PCDHA3: variants seen among roughly 807,000 people sequenced by gnomAD.
The protein encoded by PCDHA3 is protocadherin alpha 3.
In PCDHA3, 41 loss-of-function variants were observed where a neutral mutation model predicts 62.2. The observed-to-expected ratio is 0.66, with a 90% CI of 0.51 to 0.86. The LOEUF (loss-of-function observed/expected upper bound fraction) is 0.86, where lower values mean the gene tolerates loss of function less well. Ranked by LOEUF, PCDHA3 falls within the 40% of genes least tolerant of loss-of-function variation. The probability of loss-of-function intolerance (pLI) is 0.00; values close to 1 mark genes in which losing one functional copy is unlikely to be tolerated. For synonymous variants in PCDHA3, 640 were observed against 555.4 expected (o/e 1.15, Z -2.14); for missense variants, 1,304 against 1,241.2 (o/e 1.05, Z -0.76).
intron 1 of PCDHA3, chr5:140,851,252 G>T: frequency 9.2e-7 from 1 of 1,089,164 alleles, no homozygotes; most frequent in Non-Finnish European, 1.2e-6. Flanking sequence ...ATGATGCATA[G>T]TATTTTAGTC....
chr5:140,857,100 T>G (rs782765383), intron 1 of PCDHA3: 1 of 1,597,740 alleles, frequency 6.3e-7, no homozygotes. Context: ...GAGGTGATTG[T>G]CACTTCTCTG....
intron 3 of PCDHA3, among the ~76,000 whole-genome samples, chr5:141,003,429 A>G (rs782300910): frequency 6.6e-5 from 10 of 152,138 alleles, no homozygotes; most frequent in Non-Finnish European, 1.3e-4. Flanking sequence ...CTTATGCCTC[A>G]GCCTCCCAAG....
At chr5:140,805,368 C>T (rs1487690921) in intron 1 of PCDHA3, 6 of 1,156,662 alleles carry the variant, frequency 5.2e-6, no homozygotes, top group East Asian at 1.0e-4. Context: ...TGGGTCCCCA[C>T]ATAGTGAAAG....
chr5:140,927,247 G>A (rs782521189), intron 1 of PCDHA3: 7 of 1,613,978 alleles, frequency 4.3e-6, no homozygotes, highest in Middle Eastern at 3.3e-4. Flanking sequence ...GGACACCAAT[G>A]ACAACTCACC....
In PCDHA3 at chr5:140,843,148, T is replaced by G. The variant is rs2150353872; in HGVS notation, c.2394+39557T>G. On this transcript the variant is annotated intron_variant, in intron 1 of 3. Transcript: ENST00000522353. ...CGGGCTACAACGCGTGGCTTTCGTA[T>G]GAGCTGCAGCCAGCTGCAAGCAGCC... is the stretch of plus-strand genomic sequence containing the variant. The G allele has an allele frequency of 1.9e-5, 30 of 1,595,940 alleles. 4 individuals are homozygous for G. The highest frequency in any genetic ancestry group is 2.5e-5 in the Non-Finnish European group (29 of 1,165,574).
chr5:140,995,787 T>C (rs2097697894), intron 3 of PCDHA3, among the ~76,000 whole-genome samples: 1 of 152,152 alleles, frequency 6.6e-6, no homozygotes, highest in Non-Finnish European at 1.5e-5. Context: ...AGGTTTAAAA[T>C]TTGTCTCATG....
intron 1 of PCDHA3, chr5:140,851,117 T>G: frequency 7.7e-7 from 1 of 1,306,460 alleles, no homozygotes; most frequent in Non-Finnish European, 9.9e-7. Flanking sequence ...TGAATCAATT[T>G]TATTTAAATT....
intron 1 of PCDHA3, among the ~76,000 whole-genome samples, chr5:140,944,130 G>C (rs141500614): frequency 3.9e-4 from 60 of 152,256 alleles, no homozygotes; most frequent in Non-Finnish European, 7.9e-4. Context: ...AGAAGAAAAG[G>C]TTGAAGATTA....
rs146253628 is a variant in PCDHA3 at position 140,848,781 on chromosome 5, T to G, written c.2394+45190T>G. On this transcript the variant is annotated intron_variant, in intron 1 of 3. Coordinates refer to ENST00000522353, the MANE Select transcript of PCDHA3 (RefSeq NM_018906.3). ...TTCTCGGATCGACCGCGAGGAGCTG[T>G]GCGGGCGGAGCGCGGAGTGCAGCAT... 4,068 of 1,593,236 alleles carry G rather than the reference T, an allele frequency of 2.6e-3. 389 individuals are homozygous for G. The highest frequency in any genetic ancestry group is 3.0e-3 in the Non-Finnish European group (3,446 of 1,164,036).
chr5:140,945,800 C>T (rs1411676680), intron 1 of PCDHA3, among the ~76,000 whole-genome samples: 1 of 152,026 alleles, frequency 6.6e-6, no homozygotes, highest in African/African-American at 2.4e-5. Flanking sequence ...TGAAACTAGA[C>T]CCTTATCTCA....
intron 1 of PCDHA3, chr5:140,830,253 T>G: frequency 6.2e-7 from 1 of 1,613,696 alleles, no homozygotes; most frequent in Non-Finnish European, 8.5e-7. Flanking sequence ...TACACAGCGC[T>G]GCGGTGCTCG....
At chr5:140,828,434 C>T in intron 1 of PCDHA3, 3 of 1,614,258 alleles carry the variant, frequency 1.9e-6, no homozygotes, top group South Asian at 2.2e-5. Context: ...CAGGCCGCTG[C>T]AGGTTTTCCA....
intron 3 of PCDHA3, among the ~76,000 whole-genome samples, chr5:141,005,862 G>A (rs376850991): frequency 6.6e-6 from 1 of 152,012 alleles, no homozygotes; most frequent in Non-Finnish European, 1.5e-5. Flanking sequence ...CAGGAGGGTC[G>A]ATTGAGTCCA....
chr5:140,882,178 C>A (rs2058992068), intron 1 of PCDHA3: 1 of 1,517,822 alleles, frequency 6.6e-7, no homozygotes, highest in Non-Finnish European at 8.8e-7. Flanking sequence ...TCCTTCCGCA[C>A]TAGGAAGCCA....
intron 1 of PCDHA3, chr5:140,828,633 A>T (rs1221844247): frequency 6.2e-7 from 1 of 1,614,094 alleles, no homozygotes; most frequent in Non-Finnish European, 8.5e-7. Context: ...TTCGGGCTAG[A>T]TGTGAAAATA....
In PCDHA3 at chr5:140,801,450, T is replaced by C. The variant is rs562041671; in HGVS notation, c.253T>C (p.Phe85Leu). The C allele has an allele frequency of 1.2e-6, 2 of 1,613,956 alleles. No homozygotes were observed. Among genetic ancestry groups the C allele is most frequent in the East Asian group, 4.5e-5 (2 of 44,888 alleles). The change falls in exon 1 of 4, where the codon TTT (phenylalanine) becomes CTT (leucine). Residue 85 changes from phenylalanine to leucine, a missense_variant. By Grantham distance (22) the Phe-to-Leu change is conservative. Coordinates refer to ENST00000522353, the MANE Select transcript of PCDHA3 (RefSeq NM_018906.3). ...LEVNLQNGIL[F>L]VNSRIDREEL... ...GGTAAATCTGCAGAATGGCATTTTGTTTGTGAATTCTCGGATAGACCGCGA... is the reference window on the plus strand; with the variant it reads ...GGTAAATCTGCAGAATGGCATTTTGCTTGTGAATTCTCGGATAGACCGCGA...
At chr5:140,858,877 T>C (rs1192816588) in intron 1 of PCDHA3, 1 of 245,498 alleles carries the variant, frequency 4.1e-6, no homozygotes, top group Non-Finnish European at 7.9e-6. Context: ...TGTGTTTTCC[T>C]CCATGTGTAG....
rs781928314 is a variant in PCDHA3 at position 140,876,618 on chromosome 5, T to A, written c.2394+73027T>A. On this transcript the variant is annotated intron_variant, in intron 1 of 3. Coordinates refer to ENST00000522353, the MANE Select transcript of PCDHA3 (RefSeq NM_018906.3). ...TGTCGGATCGTGACTCTGGAGCCAA[T>A]GGACAGGTCATCTGCTCACTGACAC... is the stretch of plus-strand genomic sequence containing the variant. 3.7e-6 allele frequency: 6 copies of A among 1,614,074 alleles called. No homozygotes were observed. The South Asian group carries it at 4.4e-5, about 12-fold the overall frequency.
intron 1 of PCDHA3, chr5:140,836,956 T>C (rs1363599144): frequency 2.4e-6 from 1 of 416,414 alleles, no homozygotes; most frequent in Non-Finnish European, 4.2e-6. Flanking sequence ...CTATGGTTTA[T>C]GTTGGCTACT....
Sources: allele counts gnomAD v4.1 joint callset (sites outside exome capture counted in the v4.1 genomes callset), GRCh38; gene constraint gnomAD v4.1.1; transcripts MANE v1.5; gene names NCBI Gene and HGNC (gene_info 2026-07-23, HGNC 2026-07-21).